FLRT2: variants seen among roughly 807,000 people sequenced by gnomAD.
The protein encoded by FLRT2 is leucine-rich repeat transmembrane protein FLRT2.
Under a neutral mutation model 40.0 loss-of-function variants are expected in FLRT2, and 15 were observed. The ratio of observed to expected loss-of-function variants is 0.38; its 90% CI spans 0.25 to 0.58. The LOEUF is 0.58. Among genes scored for constraint, FLRT2 ranks in the 20% least tolerant of loss-of-function variants. The pLI, the probability that FLRT2 is intolerant of heterozygous loss-of-function variation, is 0.71. For missense variants in FLRT2, 726 were observed against 840.0 expected (o/e 0.86, Z 1.68); for synonymous variants, 380 against 336.8 (o/e 1.13, Z -1.41).
Position 85,607,253 on chromosome 14 carries a change from T to A in FLRT2, c.-376-13886T>A, listed in dbSNP as rs1595079702. Among the ~76,000 whole-genome samples, 3 of 152,208 alleles carry A rather than the reference T, an allele frequency of 2.0e-5. No homozygotes were observed. The South Asian group carries it at 6.2e-4, about 32-fold the overall frequency. ...GCAAGTTTTGACCCAAGAGTCATGC[T>A]CCCTCCTCTCCTGGAAGTTTTCCTG... is the stretch of plus-strand genomic sequence containing the variant. On this transcript the variant is annotated intron_variant, in intron 1 of 1. Coordinates refer to ENST00000330753, the MANE Select transcript of FLRT2 (RefSeq NM_013231.6).
At chr14:85,607,954 T>C (rs573278361) in intron 1 of FLRT2, among the ~76,000 whole-genome samples, 1 of 143,752 alleles carries the variant, frequency 7.0e-6, no homozygotes, top group South Asian at 2.1e-4. Flanking sequence ...TATTAATAGA[T>C]AGCCATCTTC....
At chr14:85,535,905 TTTTTTTTTTTTTTTTTG>T (rs952940101) in intron 1 of FLRT2, among the ~76,000 whole-genome samples, 2 of 77,638 alleles carry the variant, frequency 2.6e-5, no homozygotes, top group African/African-American at 1.2e-4. Flanking sequence ...TTTTTTTTTT[TTTTTTTTTTTTTTTTTG>T]TTGTTGTTGT....
At position 85,652,310 on chromosome 14, in the gene FLRT2, G is replaced by A. The variant is rs1440991338; in HGVS notation, c.*28813G>A. On this transcript the variant is annotated 3_prime_UTR_variant, in exon 2 of 2. Transcript: ENST00000330753. ...TCTGATATGCAGTAATATTTATATT[G>A]AGAAGCAACTTTTTTAATTGTTTGG... 1.3e-5 allele frequency: 2 copies of A among 151,954 alleles called. No individual in the cohort carries two copies. Among genetic ancestry groups the A allele is most frequent in the Non-Finnish European group, 2.9e-5 (2 of 67,946 alleles). 9.4% of individuals were successfully genotyped at this position (151,954 alleles called of 1,614,324 possible). A position where few individuals can be genotyped will look rare whatever the true frequency, so the allele number is the denominator to read the frequency against.
intron 1 of FLRT2, among the ~76,000 whole-genome samples, chr14:85,605,578 G>T (rs1324857725): frequency 2.0e-5 from 3 of 152,054 alleles, no homozygotes; most frequent in African/African-American, 7.2e-5. Context: ...AGACCATCCT[G>T]GCTAACACGG....
At chr14:85,592,388 A>G (rs1342261305) in intron 1 of FLRT2, among the ~76,000 whole-genome samples, 1 of 152,082 alleles carries the variant, frequency 6.6e-6, no homozygotes, top group African/African-American at 2.4e-5. Flanking sequence ...TTTATCAGGT[A>G]GATAGAACTG....
At chr14:85,585,063 A>G (rs79352809) in intron 1 of FLRT2, among the ~76,000 whole-genome samples, 8,149 of 152,074 alleles carry the variant, frequency 0.054, 370 homozygotes, top group Non-Finnish European at 0.071. Context: ...GTGGCATTCT[A>G]ATGCTGCTCC....
rs970575222 is a variant in FLRT2, at chr14:85,652,882, C to A, written c.*29385C>A. 11 of 152,082 alleles carry A rather than the reference C, an allele frequency of 7.2e-5. No homozygotes were observed. Among genetic ancestry groups the A allele is most frequent in the Admixed American group, 2.6e-4 (4 of 15,256 alleles). The allele number at this position is 152,082 out of a possible 1,614,324, so 9.4% of individuals were successfully genotyped here. A position where few individuals can be genotyped will look rare whatever the true frequency, so the allele number is the denominator to read the frequency against. On this transcript the variant is annotated 3_prime_UTR_variant, in exon 2 of 2. Transcript: ENST00000330753. ...TTGCTCATTAATCAATGTAAGAACA[C>A]CTTACTTTACATTCATTGAACTCTG...
chr14:85,561,181 G>A (rs2038252), intron 1 of FLRT2: 36,651 of 151,976 alleles, frequency 0.24, 4,950 homozygotes, highest in African/African-American at 0.34. Context: ...GCTTTTTAAC[G>A]TCTCGCAGTT....
intron 1 of FLRT2, among the ~76,000 whole-genome samples, chr14:85,546,627 C>T (rs1889296259): frequency 1.3e-5 from 2 of 152,144 alleles, no homozygotes; most frequent in Non-Finnish European, 2.9e-5. Flanking sequence ...AAACGCTTGC[C>T]CTCTGCAATT....
rs1300472871 is a variant in FLRT2, at chr14:85,637,255, A to C, written c.*13758A>C. On this transcript the variant is annotated 3_prime_UTR_variant, in exon 2 of 2. Coordinates refer to ENST00000330753, the MANE Select transcript of FLRT2 (RefSeq NM_013231.6). ...AAAATATTATCCCTCTAAGTATTAGAAAGTTAAACTGCAGTAATTAAAAGT... is the reference window on the plus strand; with the variant it reads ...AAAATATTATCCCTCTAAGTATTAGCAAGTTAAACTGCAGTAATTAAAAGT... 3.9e-5 allele frequency: 6 copies of C among 152,220 alleles called. No individual in the cohort carries two copies. 9.4% of individuals were successfully genotyped at this position (152,220 alleles called of 1,614,324 possible).
chr14:85,606,185 A>C (rs1451862670), intron 1 of FLRT2, among the ~76,000 whole-genome samples: 3 of 152,226 alleles, frequency 2.0e-5, no homozygotes, highest in Non-Finnish European at 4.4e-5. Flanking sequence ...GTGAGCGCAC[A>C]GCTCAATGGT....
At position 85,652,488 on chromosome 14, in the gene FLRT2, T is replaced by A. The variant is rs1436187064; in HGVS notation, c.*28991T>A. 1.3e-5 allele frequency: 2 copies of A among 152,016 alleles called. No homozygotes were observed. The highest frequency in any genetic ancestry group is 2.9e-5 in the Non-Finnish European group (2 of 67,992). The allele number at this position is 152,016 out of a possible 1,614,324, so 9.4% of individuals were successfully genotyped here. A position where few individuals can be genotyped will look rare whatever the true frequency, so the allele number is the denominator to read the frequency against. On this transcript the variant is annotated 3_prime_UTR_variant, in exon 2 of 2. Coordinates refer to ENST00000330753, the MANE Select transcript of FLRT2 (RefSeq NM_013231.6). ...TAGGAAAATTCTTTTTTGAGAATTT[T>A]TTTCTTATAACGTTCTTCATCTGAT...
At chr14:85,550,580 T>C (rs1307471346) in intron 1 of FLRT2, among the ~76,000 whole-genome samples, 1 of 152,216 alleles carries the variant, frequency 6.6e-6, no homozygotes, top group Non-Finnish European at 1.5e-5. Flanking sequence ...TTTTTTCCGA[T>C]GAAAACCCTA....
chr14:85,599,854 G>C (rs1566748648), intron 1 of FLRT2, among the ~76,000 whole-genome samples: 1 of 152,128 alleles, frequency 6.6e-6, no homozygotes, highest in Non-Finnish European at 1.5e-5. Flanking sequence ...GGAAGTGTTA[G>C]ATCTGGGATT....
At chr14:85,560,933 C>A (rs182442395) in intron 1 of FLRT2, 6 of 152,154 alleles carry the variant, frequency 3.9e-5, no homozygotes, top group African/African-American at 1.4e-4. Context: ...AATTACTCTC[C>A]TAATTATAAC....
At chr14:85,567,727 G>A (rs1250534714) in intron 1 of FLRT2, among the ~76,000 whole-genome samples, 2 of 135,918 alleles carry the variant, frequency 1.5e-5, no homozygotes, top group African/African-American at 2.8e-5. Context: ...TGCAACCTCC[G>A]CCTTCTGGGT....
chr14:85,620,944 G>T (rs1363274163), intron 1 of FLRT2, among the ~76,000 whole-genome samples, 195 bp from the exon 2 acceptor site: 28 of 152,206 alleles, frequency 1.8e-4, no homozygotes, highest in Non-Finnish European at 4.0e-4. Flanking sequence ...ATGTCCTTTT[G>T]AAGATACTAT....
Position 85,636,769 on chromosome 14 carries a change from A to G in FLRT2, c.*13272A>G, listed in dbSNP as rs1435778553. On this transcript the variant is annotated 3_prime_UTR_variant, in exon 2 of 2. Transcript: ENST00000330753. ...CATGGTGAAAGCCCGCCTTTACTAA[A>G]AATACAAAAATTAGCAGGGTATGGT... The G allele has an allele frequency of 6.6e-6, 1 of 151,806 alleles. No homozygotes were observed. The highest frequency in any genetic ancestry group is 1.5e-5 in the Non-Finnish European group (1 of 67,998). 9.4% of individuals were successfully genotyped at this position (151,806 alleles called of 1,614,324 possible).
chr14:85,621,233 T>A lies in FLRT2; in HGVS notation c.-282T>A, dbSNP rs1159148378. ...AGAGTTCTGCCTGCCCACTTGGGCT[T>A]GTGTTGACACGGCTGATAACTTGCC... On this transcript the variant is annotated 5_prime_UTR_variant, in exon 2 of 2. Transcript: ENST00000330753. 1.1e-5 allele frequency: 5 copies of A among 452,986 alleles called. No individual in the cohort carries two copies. Among genetic ancestry groups the A allele is most frequent in the Non-Finnish European group, 1.9e-5 (5 of 257,776 alleles). 28.1% of individuals were successfully genotyped at this position (452,986 alleles called of 1,614,324 possible). A position where few individuals can be genotyped will look rare whatever the true frequency, so the allele number is the denominator to read the frequency against.
Sources: gnomAD v4.1 joint callset for allele counts (sites outside exome capture counted in the v4.1 genomes callset) on GRCh38, gnomAD v4.1.1 for gene constraint, MANE v1.5 for transcripts, NCBI Gene and HGNC (gene_info 2026-07-23, HGNC 2026-07-21) for gene names.